Variants in ANK3 observed in about 807,000 individuals in gnomAD.
The protein encoded by ANK3 is ankyrin-3.
Under a neutral mutation model 370.9 loss-of-function variants are expected in ANK3, and 57 were observed. The ratio of observed to expected loss-of-function variants is 0.15; its 90% CI spans 0.12 to 0.19. The LOEUF is 0.19. ANK3 is among the 10% of genes least tolerant of loss of function. The pLI, the probability that ANK3 is intolerant of heterozygous loss-of-function variation, is 1.00. For missense variants in ANK3, 4,439 were observed against 5,302.1 expected, an observed-to-expected ratio of 0.84 and a Z score of 5.06; for synonymous variants, 1,929 against 1,946.3, an observed-to-expected ratio of 0.99 and a Z score of 0.23.
intron 28 of ANK3, 134 bp from the exon 29 acceptor site, chr10:60,088,492 C>G: frequency 1.3e-6 from 1 of 752,958 alleles, no homozygotes; most frequent in Non-Finnish European, 2.1e-6. Flanking sequence ...ATGGCGTGAT[C>G]TTGGCTCACC....
intron 28 of ANK3, among the ~76,000 whole-genome samples, chr10:60,092,118 G>A (rs572883242): frequency 2.6e-5 from 4 of 152,274 alleles, no homozygotes; most frequent in African/African-American, 9.6e-5. Context: ...ATGGAATTGG[G>A]GAAGGAAGAT....
intron 2 of ANK3, among the ~76,000 whole-genome samples, chr10:60,493,698 A>C (rs1053498907): frequency 6.6e-6 from 1 of 151,906 alleles, no homozygotes; most frequent in African/African-American, 2.4e-5. Context: ...GGTTGGCTAT[A>C]TAGAGATGTA....
chr10:60,664,136 C>T (rs551423911), intron 1 of ANK3, among the ~76,000 whole-genome samples: 1 of 152,316 alleles, frequency 6.6e-6, no homozygotes, highest in East Asian at 1.9e-4. Flanking sequence ...ATAGCACGAA[C>T]CCTGATGGGA....
intron 7 of ANK3, among the ~76,000 whole-genome samples, chr10:60,253,020 T>C (rs1177737727): frequency 6.6e-6 from 1 of 152,192 alleles, no homozygotes; most frequent in Non-Finnish European, 1.5e-5. Flanking sequence ...GGTTCTACCA[T>C]TGGACCCATT....
intron 25 of ANK3, among the ~76,000 whole-genome samples, chr10:60,123,483 AG>A (rs2093606498): frequency 6.6e-6 from 1 of 152,212 alleles, no homozygotes; most frequent in African/African-American, 2.4e-5. Flanking sequence ...GGAAAGAGGC[AG>A]GGTCAAGAAA....
rs530357225 is a variant in ANK3 at position 60,244,996 on chromosome 10, C to T, written c.799-10210G>A. On this transcript the variant is annotated intron_variant, in intron 7 of 43. Coordinates refer to ENST00000280772, the MANE Select transcript of ANK3 (RefSeq NM_020987.5). Reference sequence around the variant, plus strand: ...CATCCTGGCTAACACGGTGAAACCCCGTCTCTACTAAAAATACAAAAAATT... The same window carrying T: ...CATCCTGGCTAACACGGTGAAACCCTGTCTCTACTAAAAATACAAAAAATT... Among the ~76,000 whole-genome samples, 5 of 152,144 alleles carry T rather than the reference C, an allele frequency of 3.3e-5. No homozygotes were observed. In the South Asian group the frequency reaches 6.2e-4, roughly 19 times the overall value.
intron 2 of ANK3, among the ~76,000 whole-genome samples, chr10:60,553,565 G>T (rs998580010): frequency 2.6e-5 from 4 of 151,974 alleles, no homozygotes; most frequent in Non-Finnish European, 5.9e-5. Flanking sequence ...TTTCAGCTAC[G>T]GTCTCTGTAT....
rs184398597 is a variant in ANK3 at position 60,571,576 on chromosome 10, A to G, written c.96+43610T>C. Reference sequence around the variant, plus strand: ...AGATTTTGACTATAGATTTTAAAATACAGCACACATTCTCCTTAAATATCT... The same window carrying G: ...AGATTTTGACTATAGATTTTAAAATGCAGCACACATTCTCCTTAAATATCT... On this transcript the variant is annotated intron_variant, in intron 2 of 43. Transcript: ENST00000373827. Among the ~76,000 whole-genome samples the G allele has an allele frequency of 2.6e-5, 4 of 152,352 alleles. No homozygotes were observed. In the East Asian group the frequency reaches 7.7e-4, roughly 29 times the overall value.
rs1201831116 is a variant in ANK3 at position 60,070,950 on chromosome 10, C to T, written c.9931G>A (p.Gly3311Arg). ...TCGCTTGAATCACTGACGTCTGCCC[C>T]GGGAGGAACTGGTGAAGGTGGCTGC... ...RVQPPSPVPP[G>R]ADVSDSSDDE... Residue 3311 changes from glycine (G) to arginine (R), a missense_variant, in exon 37 of 44, where the codon GGG becomes AGG. Transcript: ENST00000280772. This position sits in a 1 kb window ranked among gnomAD's most constrained non-coding sequence, Gnocchi z 5.7. 12 of 1,613,922 alleles carry T rather than the reference C, an allele frequency of 7.4e-6. No homozygotes were observed. The highest frequency in any genetic ancestry group is 2.7e-5 in the African/African-American group (2 of 74,906).
intron 25 of ANK3, among the ~76,000 whole-genome samples, chr10:60,131,377 T>C (rs1323869433): frequency 1.3e-5 from 2 of 152,220 alleles, no homozygotes; most frequent in South Asian, 2.1e-4. Flanking sequence ...GGGTATTCTG[T>C]GCTCATTAAA....
intron 12 of ANK3, 161 bp from the exon 13 acceptor site, chr10:60,200,388 G>A: frequency 4.4e-6 from 3 of 676,322 alleles, no homozygotes; most frequent in South Asian, 1.6e-5. Context: ...GAATTTCACA[G>A]GAACCTGGTC....
chr10:60,517,943 C>A (rs1481196877), intron 2 of ANK3, among the ~76,000 whole-genome samples: 3 of 152,110 alleles, frequency 2.0e-5, no homozygotes, highest in Non-Finnish European at 4.4e-5. Flanking sequence ...AGTTGCTTAA[C>A]CTCGCTCTGC....
intron 43 of ANK3, among the ~76,000 whole-genome samples, chr10:60,042,119 C>G (rs2076202005): frequency 6.6e-6 from 1 of 152,180 alleles, no homozygotes; most frequent in Non-Finnish European, 1.5e-5. Flanking sequence ...AGCTCACTTA[C>G]TAAACATTTA....
At chr10:60,432,476 T>G (rs997880136) in intron 2 of ANK3, among the ~76,000 whole-genome samples, 6 of 152,220 alleles carry the variant, frequency 3.9e-5, no homozygotes, top group African/African-American at 9.6e-5. Context: ...GTGACACTGA[T>G]AGCAGAAGAT....
chr10:60,037,217 C>T (rs2075208988), intron 43 of ANK3, among the ~76,000 whole-genome samples: 1 of 152,084 alleles, frequency 6.6e-6, no homozygotes, highest in African/African-American at 2.4e-5. Flanking sequence ...TATTCTTGTC[C>T]CCCTATCCAT....
At chr10:60,196,364 A>G in intron 15 of ANK3, 121 bp from the exon 16 acceptor site, 1 of 1,000,246 alleles carries the variant, frequency 1.0e-6, no homozygotes, top group Non-Finnish European at 1.5e-6. Context: ...CGGTTTCCAC[A>G]GTACTTGGAC....
chr10:60,482,124 TCTC>T (rs1165044634), intron 2 of ANK3, among the ~76,000 whole-genome samples: 1 of 152,136 alleles, frequency 6.6e-6, no homozygotes, highest in African/African-American at 2.4e-5. Context: ...CCTTCTGTCA[TCTC>T]CTGTTGTTTC....
At chr10:60,613,876 C>G (rs143903722) in intron 2 of ANK3, among the ~76,000 whole-genome samples, 5 of 152,312 alleles carry the variant, frequency 3.3e-5, no homozygotes, top group African/African-American at 1.2e-4. Context: ...GAGTTCGAGA[C>G]CAGCCTGGCC....
At chr10:60,137,904 T>C (rs952432350) in intron 24 of ANK3, among the ~76,000 whole-genome samples, 5 of 152,184 alleles carry the variant, frequency 3.3e-5, no homozygotes, top group Non-Finnish European at 7.4e-5. Flanking sequence ...TTTTAACTTG[T>C]TGCTATCTTT....
Sources: gnomAD v4.1 joint callset for allele counts (sites outside exome capture counted in the v4.1 genomes callset) on GRCh38, gnomAD v4.1.1 for gene constraint, Gnocchi (gnomAD v3.1) non-coding constraint, MANE v1.5 for transcripts, NCBI Gene and HGNC (gene_info 2026-07-23, HGNC 2026-07-21) for gene names.